CDH7: variants seen among roughly 807,000 people sequenced by gnomAD.
CDH7 encodes the protein cadherin-7.
In CDH7, 25 loss-of-function variants were observed where a neutral mutation model predicts 71.8. That is an observed-to-expected ratio of 0.35 (90% CI 0.25 to 0.49). CDH7 has a LOEUF of 0.49. Ranked by LOEUF, CDH7 falls within the 20% of genes least tolerant of loss-of-function variation. The pLI is 0.99. For missense variants in CDH7, 862 were observed against 974.6 expected, an observed-to-expected ratio of 0.88 and a Z score of 1.54; for synonymous variants, 381 against 363.8, an observed-to-expected ratio of 1.05 and a Z score of -0.54.
intron 6 of CDH7, among the ~76,000 whole-genome samples, chr18:65,830,918 C>T (rs1224468510): frequency 6.6e-6 from 1 of 151,898 alleles, no homozygotes; most frequent in African/African-American, 2.4e-5. Context: ...ATGTCCCCCA[C>T]ACCTAGCTCA....
In CDH7 at chr18:65,766,040, A is replaced by G. The variant is rs539468729; in HGVS notation, c.210+2988A>G. Among the ~76,000 whole-genome samples, 719 of 152,234 alleles carry G rather than the reference A, an allele frequency of 4.7e-3. 5 individuals carry two copies. Among genetic ancestry groups the G allele is most frequent in the South Asian group, 0.015 (74 of 4,832 alleles). ...TCTATTTTGTTACATGTGAAATGTT[A>G]TCTGTGTGATTCCTCAGATGAAAGC... On this transcript the variant is annotated intron_variant, in intron 2 of 11. Transcript: ENST00000397968.
chr18:65,752,426 G>C (rs575094280), intron 1 of CDH7, among the ~76,000 whole-genome samples: 39 of 152,184 alleles, frequency 2.6e-4, no homozygotes, highest in African/African-American at 9.1e-4. Flanking sequence ...CTTTATAAAG[G>C]CAAATTGTTA....
chr18:65,857,245 G>A (rs1169736744), intron 7 of CDH7, among the ~76,000 whole-genome samples: 4 of 150,874 alleles, frequency 2.7e-5, no homozygotes, highest in Non-Finnish European at 5.9e-5. Flanking sequence ...CATATTAGGA[G>A]TCTGAGATGG....
At chr18:65,767,353 A>C (rs1036750752) in intron 2 of CDH7, among the ~76,000 whole-genome samples, 1 of 152,150 alleles carries the variant, frequency 6.6e-6, no homozygotes, top group Non-Finnish European at 1.5e-5. Context: ...TTTCATATTG[A>C]AAATAGGTTG....
chr18:65,879,070 A>T (rs1240136502), intron 11 of CDH7, among the ~76,000 whole-genome samples: 1 of 152,222 alleles, frequency 6.6e-6, no homozygotes, highest in Non-Finnish European at 1.5e-5. Context: ...TTGAAGATGA[A>T]TTCATTTTAT....
At chr18:65,833,740 G>A (rs1322265109) in intron 6 of CDH7, among the ~76,000 whole-genome samples, 4 of 152,138 alleles carry the variant, frequency 2.6e-5, no homozygotes, top group Non-Finnish European at 4.4e-5. Context: ...GATGAACATA[G>A]AGTTTTATAA....
At chr18:65,862,128 A>G (rs971168226) in intron 10 of CDH7, among the ~76,000 whole-genome samples, 2 of 152,086 alleles carry the variant, frequency 1.3e-5, no homozygotes, top group Non-Finnish European at 2.9e-5. Context: ...AAATACCTAT[A>G]TATAATTTTC....
At chr18:65,869,247 G>A (rs1476043225) in intron 11 of CDH7, among the ~76,000 whole-genome samples, 1 of 148,124 alleles carries the variant, frequency 6.8e-6, no homozygotes, top group South Asian at 2.2e-4. Flanking sequence ...CTCCTGAATT[G>A]TGGCAACTCT....
intron 6 of CDH7, among the ~76,000 whole-genome samples, chr18:65,829,100 G>C (rs923737609): frequency 2.3e-5 from 2 of 86,222 alleles, no homozygotes; most frequent in Non-Finnish European, 2.6e-5. Flanking sequence ...AACCTAAGCA[G>C]TATGGTCTGT....
At chr18:65,849,689 A>G (rs1599049461) in intron 7 of CDH7, among the ~76,000 whole-genome samples, 2 of 151,880 alleles carry the variant, frequency 1.3e-5, no homozygotes, top group East Asian at 3.9e-4. Flanking sequence ...CTGGGATTAC[A>G]GGTATGAGCC....
chr18:65,854,665 C>T (rs1157760937), intron 7 of CDH7, among the ~76,000 whole-genome samples: 2 of 152,058 alleles, frequency 1.3e-5, no homozygotes, highest in Non-Finnish European at 2.9e-5. Flanking sequence ...AGAATCTAGA[C>T]ATTTGTCTTT....
chr18:65,813,157 A>G (rs939289951), intron 3 of CDH7, among the ~76,000 whole-genome samples: 1 of 152,096 alleles, frequency 6.6e-6, no homozygotes, highest in Non-Finnish European at 1.5e-5. Flanking sequence ...ACATGGAGAA[A>G]CCCTGTCTCT....
At chr18:65,841,754 G>T (rs540412600) in intron 6 of CDH7, among the ~76,000 whole-genome samples, 3 of 152,166 alleles carry the variant, frequency 2.0e-5, no homozygotes, top group African/African-American at 7.2e-5. Context: ...AAATATATCT[G>T]CCTGTACCTC....
intron 1 of CDH7, among the ~76,000 whole-genome samples, chr18:65,759,750 G>A (rs189526512): frequency 6.1e-4 from 93 of 152,278 alleles, no homozygotes; most frequent in African/African-American, 1.9e-3. Context: ...GTCGTACAAA[G>A]TGGTGGAGCT....
At position 65,809,943 on chromosome 18, in the gene CDH7, A is replaced by C; in HGVS notation, c.450A>C (p.Glu150Asp). ...AAATTCAGGATATCAACGACAATGAACCCAAATTTTTGGATGGCCCATACA... is the reference window on the plus strand; with the variant it reads ...AAATTCAGGATATCAACGACAATGACCCCAAATTTTTGGATGGCCCATACA... Reference protein sequence around the residue: ...VIKIQDINDNEPKFLDGPYTA... With the variant: ...VIKIQDINDNDPKFLDGPYTA... Residue 150 changes from glutamate (E) to aspartate (D), a missense_variant, in exon 3 of 12, where the codon GAA becomes GAC. By Grantham distance (45) the Glu-to-Asp change is conservative. Transcript: ENST00000397968. The C allele has an allele frequency of 1.9e-6, 3 of 1,614,024 alleles. No homozygotes were observed. Among genetic ancestry groups the C allele is most frequent in the Non-Finnish European group, 2.5e-6 (3 of 1,179,976 alleles).
chr18:65,838,345 G>A (rs1294181052), intron 6 of CDH7, among the ~76,000 whole-genome samples: 2 of 152,180 alleles, frequency 1.3e-5, no homozygotes, highest in African/African-American at 2.4e-5. Flanking sequence ...GTAGGGAAAA[G>A]CTACAGATAT....
At chr18:65,765,686 G>T (rs906508383) in intron 2 of CDH7, among the ~76,000 whole-genome samples, 7 of 151,808 alleles carry the variant, frequency 4.6e-5, no homozygotes, top group African/African-American at 1.7e-4. Context: ...TAGCTATTTG[G>T]GTAATTTGGA....
At chr18:65,873,502 T>A (rs1913985579) in intron 11 of CDH7, among the ~76,000 whole-genome samples, 1 of 152,218 alleles carries the variant, frequency 6.6e-6, no homozygotes, top group Non-Finnish European at 1.5e-5. Context: ...ACAAAACTAT[T>A]ATCATTTTAA....
rs117096804 is a variant in CDH7 at position 65,797,010 on chromosome 18, G to A, written c.211-12694G>A. Among the ~76,000 whole-genome samples the A allele has an allele frequency of 4.8e-4, 73 of 152,224 alleles. 1 individual carries two copies. In the East Asian group the frequency reaches 0.013, roughly 28 times the overall value. On this transcript the variant is annotated intron_variant, in intron 2 of 11. Coordinates refer to ENST00000397968, the MANE Select transcript of CDH7 (RefSeq NM_004361.5). ...GCTAAACAGAATTTTGCAGAAAGTAGTCTTCCTCAAGCAGTGGTGTTACTG... is the reference window on the plus strand; with the variant it reads ...GCTAAACAGAATTTTGCAGAAAGTAATCTTCCTCAAGCAGTGGTGTTACTG...
Sources: allele counts gnomAD v4.1 joint callset (sites outside exome capture counted in the v4.1 genomes callset), GRCh38; gene constraint gnomAD v4.1.1; transcripts MANE v1.5; gene names NCBI Gene and HGNC (gene_info 2026-07-23, HGNC 2026-07-21).